The following TMEM273 variants were observed in gnomAD, a reference collection of about 807,000 sequenced individuals.
TMEM273 encodes the protein transmembrane protein 273, also known as chromosome 10 open reading frame 128.
A neutral mutation model predicts 17.9 loss-of-function variants in TMEM273; 19 were observed. That is an observed-to-expected ratio of 1.06 (90% confidence interval 0.74 to 1.55). TMEM273 has a LOEUF of 1.55. Among genes scored for constraint, TMEM273 ranks in the 40% most tolerant of loss-of-function variants. TMEM273 has a pLI of 0.00. For synonymous variants in TMEM273, 66 were observed against 62.0 expected, an observed-to-expected ratio of 1.07 and a Z score of -0.31; for missense variants, 194 against 155.6, an observed-to-expected ratio of 1.25 and a Z score of -1.31.
rs368852815 is a variant in TMEM273 at position 49,168,475 on chromosome 10, A to G, written c.44-513T>C. On this transcript the variant is annotated intron_variant, in intron 1 of 6. Coordinates refer to ENST00000374153, the MANE Select transcript of TMEM273 (RefSeq NM_001288740.3). Reference sequence around the variant, plus strand: ...TGGTGCTTGCCGGCCATAACTGACCATGTCAATATGTAACAACATTTACAT... The same window carrying G: ...TGGTGCTTGCCGGCCATAACTGACCGTGTCAATATGTAACAACATTTACAT... Among the ~76,000 whole-genome samples the G allele has an allele frequency of 6.4e-4, 97 of 152,186 alleles. No individual in the cohort carries two copies. The East Asian group carries it at 0.013, about 21-fold the overall frequency.
chr10:49,185,337 C>A (rs983847611), intron 1 of TMEM273, among the ~76,000 whole-genome samples: 3 of 152,066 alleles, frequency 2.0e-5, no homozygotes, highest in Non-Finnish European at 4.4e-5. Context: ...ATCCCAGGGT[C>A]CCCCGGTCAT....
intron 5 of TMEM273, among the ~76,000 whole-genome samples, chr10:49,164,598 C>G (rs1025925862): frequency 6.6e-6 from 1 of 152,222 alleles, no homozygotes; most frequent in African/African-American, 2.4e-5. Context: ...CTACCTATCT[C>G]TCCAGCGCTT....
chr10:49,180,006 G>T (rs749866913), intron 1 of TMEM273, among the ~76,000 whole-genome samples: 1 of 152,188 alleles, frequency 6.6e-6, no homozygotes, highest in Non-Finnish European at 1.5e-5. Flanking sequence ...CCCCAACGAG[G>T]GTGGTGTCAG....
chr10:49,185,497 A>G (rs1370448037), intron 1 of TMEM273, among the ~76,000 whole-genome samples: 3 of 152,118 alleles, frequency 2.0e-5, no homozygotes, highest in African/African-American at 7.2e-5. Flanking sequence ...TGCACTAAAC[A>G]GTGCTCTAGG....
At chr10:49,172,687 G>T (rs189670885) in intron 1 of TMEM273, among the ~76,000 whole-genome samples, 2 of 152,176 alleles carry the variant, frequency 1.3e-5, no homozygotes, top group African/African-American at 4.8e-5. Flanking sequence ...GACACAGCAC[G>T]GCTCCCAGCT....
At chr10:49,184,209 C>T (rs7900761) in intron 1 of TMEM273, among the ~76,000 whole-genome samples, 23,777 of 152,094 alleles carry the variant, frequency 0.16, 2,241 homozygotes, top group Non-Finnish European at 0.23. Context: ...AAATTAAAGA[C>T]CTAATCATAA....
At chr10:49,167,362 G>A (rs886623284) in intron 2 of TMEM273, among the ~76,000 whole-genome samples, 6 of 152,228 alleles carry the variant, frequency 3.9e-5, no homozygotes, top group Admixed American at 3.9e-4. Context: ...TGTGTTAATT[G>A]CCTGCTCTGT....
intron 1 of TMEM273, among the ~76,000 whole-genome samples, chr10:49,173,599 C>T (rs753772230): frequency 2.6e-5 from 4 of 152,208 alleles, no homozygotes; most frequent in South Asian, 2.1e-4. Flanking sequence ...ACCTCTCCCC[C>T]GCACTGTTGG....
chr10:49,157,684 C>G (rs1490844691), intron 6 of TMEM273, among the ~76,000 whole-genome samples: 1 of 152,176 alleles, frequency 6.6e-6, no homozygotes, highest in African/African-American at 2.4e-5. Context: ...CTGATGAATG[C>G]TCCTTAACAT....
intron 6 of TMEM273, among the ~76,000 whole-genome samples, chr10:49,157,003 C>T (rs1039103511): frequency 1.3e-5 from 2 of 152,152 alleles, no homozygotes; most frequent in African/African-American, 4.8e-5. Context: ...GGTTTAGAGG[C>T]CCAGAGGCTG....
chr10:49,171,516 T>C (rs1271266969), intron 1 of TMEM273, among the ~76,000 whole-genome samples: 1 of 152,144 alleles, frequency 6.6e-6, no homozygotes, highest in Non-Finnish European at 1.5e-5. Context: ...GATTCTAGAG[T>C]TTCTGCTTTC....
rs934099754 is a variant in TMEM273, at chr10:49,165,646, A to C, written c.269+120T>G. On this transcript the variant is annotated intron_variant, in intron 4 of 6. Coordinates refer to ENST00000374153, the MANE Select transcript of TMEM273 (RefSeq NM_001288740.3). ...AGGAGGGGACCACGAGGTGCATTCTAGTCACCTAGAAAGCATGCCAGAGTG... is the reference window on the plus strand; with the variant it reads ...AGGAGGGGACCACGAGGTGCATTCTCGTCACCTAGAAAGCATGCCAGAGTG... 2.8e-6 allele frequency: 4 copies of C among 1,432,816 alleles called. No homozygotes were observed. In the Admixed American group the frequency reaches 5.5e-5, roughly 20 times the overall value. The allele number at this position is 1,432,816 out of a possible 1,614,324, so 88.8% of individuals were successfully genotyped here. A position where few individuals can be genotyped will look rare whatever the true frequency, so the allele number is the denominator to read the frequency against.
At position 49,165,288 on chromosome 10, in the gene TMEM273, CAAAGAGCAT is replaced by C. The variant is rs1301182818; in HGVS notation, c.270-14_270-6del. 2 of 1,550,514 alleles carry C rather than the reference CAAAGAGCAT, an allele frequency of 1.3e-6. No individual in the cohort carries two copies. Among genetic ancestry groups the C allele is most frequent in the South Asian group, 2.4e-5 (2 of 84,066 alleles). ...AGGGTCGAGGCTTGCAGCTTTCTGG[CAAAGAGCAT>C]TCCAATTACAGAAAACAGCAAGTGC... On this transcript the variant is annotated splice_region_variant and splice_polypyrimidine_tract_variant and intron_variant, in intron 4 of 6. Transcript: ENST00000374153.
intron 5 of TMEM273, among the ~76,000 whole-genome samples, chr10:49,162,431 T>A (rs1308208906): frequency 1.3e-5 from 2 of 152,192 alleles, no homozygotes; most frequent in Admixed American, 1.3e-4. Context: ...CTATGTGAAG[T>A]CCGTGGCTAA....
Position 49,165,190 on chromosome 10 carries a change from G to A in TMEM273, c.348+15C>T, listed in dbSNP as rs937128302. 7.1e-6 allele frequency: 11 copies of A among 1,540,990 alleles called. No individual in the cohort carries two copies. Among genetic ancestry groups the A allele is most frequent in the Non-Finnish European group, 8.7e-6 (10 of 1,143,602 alleles). On this transcript the variant is annotated intron_variant, in intron 5 of 6. Coordinates refer to ENST00000374153, the MANE Select transcript of TMEM273 (RefSeq NM_001288740.3). ...AGAGAAGAGAATGGTGGCTGGAGTC[G>A]AGAGGGGATTGTACCTTAAATAGGC...
chr10:49,169,619 A>G (rs1846421586), intron 1 of TMEM273, among the ~76,000 whole-genome samples: 1 of 152,190 alleles, frequency 6.6e-6, no homozygotes, highest in Non-Finnish European at 1.5e-5. Flanking sequence ...ATGTGAGCAC[A>G]TTTGCTCACA....
chr10:49,178,313 A>T (rs1336590879), intron 1 of TMEM273: 1 of 456,840 alleles, frequency 2.2e-6, no homozygotes, highest in African/African-American at 2.0e-5. Context: ...CTGGCTCCAG[A>T]GGCTGATGTT....
intron 5 of TMEM273, among the ~76,000 whole-genome samples, chr10:49,164,569 G>A (rs2132130376): frequency 6.6e-6 from 1 of 152,298 alleles, no homozygotes. Context: ...AAGCCCCTCT[G>A]ACTGTACATG....
chr10:49,188,266 G>A (rs1847845131), intron 1 of TMEM273, 28 bp downstream of exon 1: 2 of 1,613,526 alleles, frequency 1.2e-6, no homozygotes, highest in Non-Finnish European at 1.7e-6. Flanking sequence ...GCTCCCCCGG[G>A]CCAGAGACCC....
Sources: gnomAD v4.1 joint callset for allele counts (sites outside exome capture counted in the v4.1 genomes callset) on GRCh38, gnomAD v4.1.1 for gene constraint, MANE v1.5 for transcripts, NCBI Gene and HGNC (gene_info 2026-07-23, HGNC 2026-07-21) for gene names.